The following LINGO2 variants were observed in gnomAD, a reference collection of about 807,000 sequenced individuals.
LINGO2 encodes the protein leucine-rich repeat and immunoglobulin-like domain-containing nogo receptor-interacting protein 2.
Under a neutral mutation model 30.6 loss-of-function variants are expected in LINGO2, and 14 were observed. The observed-to-expected ratio is 0.46, with a 90% CI of 0.30 to 0.72. The LOEUF is 0.72. Among genes scored for constraint, LINGO2 ranks in the 30% least tolerant of loss-of-function variants. The pLI, the probability that LINGO2 is intolerant of heterozygous loss-of-function variation, is 0.07. For synonymous variants in LINGO2, 317 were observed against 288.5 expected, an observed-to-expected ratio of 1.10 and a Z score of -1.00; for missense variants, 729 against 751.7, an observed-to-expected ratio of 0.97 and a Z score of 0.35.
chr9:29,193,898 A>T, the LINGO2 span, among the ~76,000 whole-genome samples: 1 of 152,188 alleles, frequency 6.6e-6, no homozygotes, highest in Non-Finnish European at 1.5e-5. Flanking sequence ...TAAAGGGGCA[A>T]TTCTACTGCA....
chr9:28,502,498 G>A (rs897522018), intron 1 of LINGO2, among the ~76,000 whole-genome samples: 1 of 151,996 alleles, frequency 6.6e-6, no homozygotes, highest in Non-Finnish European at 1.5e-5. Context: ...TCTAAACTCA[G>A]TGTGCCCCAA....
intron 3 of LINGO2, among the ~76,000 whole-genome samples, chr9:28,349,649 C>T (rs1212834508): frequency 2.3e-4 from 31 of 137,694 alleles, no homozygotes; most frequent in African/African-American, 7.7e-4. Flanking sequence ...ATACAGAGAA[C>T]GCCACAAAGA....
intron 1 of LINGO2, among the ~76,000 whole-genome samples, chr9:28,661,959 A>G (rs1288357278): frequency 2.6e-5 from 4 of 152,180 alleles, no homozygotes; most frequent in African/African-American, 7.2e-5. Context: ...TCCATGAACA[A>G]GCAGCATAAC....
At chr9:29,130,107 A>T in the LINGO2 span, among the ~76,000 whole-genome samples, 1 of 151,964 alleles carries the variant, frequency 6.6e-6, no homozygotes, top group Non-Finnish European at 1.5e-5. Flanking sequence ...AGTAATTGTA[A>T]AAGAAATTCT....
At chr9:28,281,221 C>T (rs563321064) in intron 4 of LINGO2, among the ~76,000 whole-genome samples, 2 of 152,074 alleles carry the variant, frequency 1.3e-5, no homozygotes, top group South Asian at 2.1e-4. Flanking sequence ...AGGAAGATAA[C>T]TTTATTTTTT....
chr9:28,312,210 T>C (rs553760399), intron 3 of LINGO2, among the ~76,000 whole-genome samples: 1 of 151,720 alleles, frequency 6.6e-6, no homozygotes, highest in South Asian at 2.1e-4. Context: ...TACTTTGAAA[T>C]TGTCCTTACC....
At chr9:28,316,678 A>C (rs915645059) in intron 3 of LINGO2, among the ~76,000 whole-genome samples, 2 of 152,178 alleles carry the variant, frequency 1.3e-5, no homozygotes, top group Non-Finnish European at 2.9e-5. Flanking sequence ...TTATGAAACC[A>C]ATATACACAG....
the LINGO2 span, among the ~76,000 whole-genome samples, chr9:28,872,493 T>A: frequency 6.6e-6 from 1 of 152,130 alleles, no homozygotes; most frequent in African/African-American, 2.4e-5. Flanking sequence ...TAATTTTAGA[T>A]GTGATGGCAA....
At chr9:28,902,179 C>A in the LINGO2 span, among the ~76,000 whole-genome samples, 2 of 152,034 alleles carry the variant, frequency 1.3e-5, no homozygotes, top group African/African-American at 4.8e-5. Flanking sequence ...AAAAATATTT[C>A]ATGCAAATGG....
At chr9:28,499,789 G>C (rs1485303844) in intron 1 of LINGO2, among the ~76,000 whole-genome samples, 1 of 152,078 alleles carries the variant, frequency 6.6e-6, no homozygotes, top group East Asian at 1.9e-4. Flanking sequence ...AAAGAAGTTT[G>C]CAGAACTTCT....
At chr9:29,187,202 C>T in the LINGO2 span, among the ~76,000 whole-genome samples, 1 of 152,134 alleles carries the variant, frequency 6.6e-6, no homozygotes, top group African/African-American at 2.4e-5. Context: ...TAGATAATTA[C>T]ATATAAGTCC....
intron 4 of LINGO2, among the ~76,000 whole-genome samples, chr9:28,055,827 T>C (rs1264723317): frequency 6.6e-6 from 1 of 152,188 alleles, no homozygotes; most frequent in Non-Finnish European, 1.5e-5. Flanking sequence ...TAAAAAAGTC[T>C]TCTTGCTTAG....
intron 4 of LINGO2, among the ~76,000 whole-genome samples, chr9:28,060,127 C>T (rs1166124383): frequency 4.6e-5 from 7 of 151,994 alleles, no homozygotes; most frequent in Non-Finnish European, 8.8e-5. Context: ...GAGCACTAGC[C>T]AAAATGAAAA....
At chr9:28,082,468 T>A (rs1825799264) in intron 4 of LINGO2, among the ~76,000 whole-genome samples, 1 of 152,172 alleles carries the variant, frequency 6.6e-6, no homozygotes, top group South Asian at 2.1e-4. Context: ...AATACAATTT[T>A]TTTTTCATTT....
At chr9:28,749,157 T>G in the LINGO2 span, among the ~76,000 whole-genome samples, 4 of 152,166 alleles carry the variant, frequency 2.6e-5, no homozygotes, top group Non-Finnish European at 5.9e-5. Flanking sequence ...CTCTTGAATG[T>G]GACACTCCTG....
chr9:29,167,552 G>A, the LINGO2 span, among the ~76,000 whole-genome samples: 1 of 152,214 alleles, frequency 6.6e-6, no homozygotes, highest in East Asian at 1.9e-4. Context: ...AGAAGTATCT[G>A]AGAGAGAGAC....
the LINGO2 span, among the ~76,000 whole-genome samples, chr9:28,770,765 G>C: frequency 3.9e-5 from 6 of 152,158 alleles, no homozygotes; most frequent in African/African-American, 1.4e-4. Context: ...TAAGGCATAT[G>C]GATGAGGGAT....
chr9:29,161,887 G>T, the LINGO2 span, among the ~76,000 whole-genome samples: 7 of 151,622 alleles, frequency 4.6e-5, no homozygotes, highest in Non-Finnish European at 1.5e-5. Context: ...CAGTTCATTG[G>T]GTAGGGCTGA....
intron 4 of LINGO2, among the ~76,000 whole-genome samples, chr9:28,123,376 T>G (rs547093531): frequency 6.6e-6 from 1 of 152,350 alleles, no homozygotes; most frequent in East Asian, 1.9e-4. Flanking sequence ...ATTCCAGCAC[T>G]GAGTCTATTC....
Sources: gnomAD v4.1 joint callset for allele counts (sites outside exome capture counted in the v4.1 genomes callset) on GRCh38, gnomAD v4.1.1 for gene constraint, MANE v1.5 for transcripts, NCBI Gene and HGNC (gene_info 2026-07-23, HGNC 2026-07-21) for gene names.